The following HERC2 variants were observed in gnomAD, a reference collection of about 807,000 sequenced individuals.
HERC2 encodes the protein HECT and RLD domain containing E3 ubiquitin protein ligase 2.
Under a neutral mutation model 537.7 loss-of-function variants are expected in HERC2, and 102 were observed. The ratio of observed to expected loss-of-function variants is 0.19; its 90% CI spans 0.16 to 0.22. The LOEUF (loss-of-function observed/expected upper bound fraction) is 0.22. Among genes scored for constraint, HERC2 ranks in the 10% least tolerant of loss-of-function variants. The pLI is 1.00. For synonymous variants in HERC2, 2,224 were observed against 2,466.2 expected, an observed-to-expected ratio of 0.90 and a Z score of 2.91; for missense variants, 4,236 against 6,198.2, an observed-to-expected ratio of 0.68 and a Z score of 10.63.
At position 28,114,662 on chromosome 15, in the gene HERC2, G is replaced by C. The variant is rs762537575; in HGVS notation, c.13863C>G (p.His4621Gln). Reference sequence around the variant, plus strand: ...ACTCCGCGCGGTTGTCCAGGGTGATGTGTGTGTGCTTGGAGCTCAACTGAA... The same window carrying C: ...ACTCCGCGCGGTTGTCCAGGGTGATCTGTGTGTGCTTGGAGCTCAACTGAA... ...QDIQLSSKHT[H>Q]ITLDNRAEYV... is the part of the protein sequence containing the mutation. The change falls in exon 90 of 93, where the codon CAC (histidine) becomes CAG (glutamine). Residue 4621 changes from histidine to glutamine, a missense_variant. By Grantham distance (24) the His-to-Gln change is conservative. This residue lies in a region of HERC2 where 313 missense variants were observed against 462.6 expected (regional missense o/e 0.68). Transcript: ENST00000261609. 2.4e-5 allele frequency: 38 copies of C among 1,613,988 alleles called. No homozygotes were observed. Among genetic ancestry groups the C allele is most frequent in the Non-Finnish European group, 2.7e-5 (32 of 1,180,034 alleles).
intron 74 of HERC2, among the ~76,000 whole-genome samples, chr15:28,143,351 G>A (rs1364050579): frequency 1.3e-5 from 2 of 152,144 alleles, no homozygotes; most frequent in South Asian, 2.1e-4. Flanking sequence ...CACAGCTGTC[G>A]AGACAGATTT....
At chr15:28,181,642 T>TAAGTAATA (rs1895828551) in intron 57 of HERC2, among the ~76,000 whole-genome samples, 1 of 152,240 alleles carries the variant, frequency 6.6e-6, no homozygotes, top group Non-Finnish European at 1.5e-5. Context: ...GCTTTGTGGC[T>TAAGTAATA]CCTCAGCCAG....
chr15:28,274,939 A>T lies in HERC2; in HGVS notation c.609T>A (p.Phe203Leu). ...ARVGSRAALS[F>L]AFAFLRRAWR... is the part of the protein sequence containing the mutation. ...AGGCCCTGCGCAGGAAGGCAAAGGC[A>T]AAAGACAGCGCCGCTCGGGATCCCA... Residue 203 changes from phenylalanine (F) to leucine (L), a missense_variant, in exon 6 of 93, where the codon TTT becomes TTA. Around this residue, in one of 27 missense-constraint regions of HERC2, gnomAD observed 491 missense variants for 559.3 expected, o/e 0.88. Transcript: ENST00000261609. 1 of 1,611,422 alleles carries T rather than the reference A, an allele frequency of 6.2e-7. No individual in the cohort carries two copies.
chr15:28,238,902 G>A (rs141878003), intron 23 of HERC2, 130 bp from the exon 24 acceptor site: 18 of 737,358 alleles, frequency 2.4e-5, no homozygotes, highest in Middle Eastern at 7.3e-4. Flanking sequence ...TACATACCTA[G>A]CTCTGAAACT....
In HERC2 at chr15:28,124,637, G is replaced by A. The variant is rs574863246; in HGVS notation, c.12990+369C>T. Reference sequence around the variant, plus strand: ...GGCAGTGGTGCAATCACTGCAGCTTGGACCTTTCAGACTCAAGTGATCCTC... The same window carrying A: ...GGCAGTGGTGCAATCACTGCAGCTTAGACCTTTCAGACTCAAGTGATCCTC... On this transcript the variant is annotated intron_variant, in intron 84 of 92. Transcript: ENST00000261609. 2.0e-5 allele frequency among the ~76,000 whole-genome samples: 3 copies of A among 152,308 alleles called. No individual in the cohort carries two copies. The South Asian group carries it at 6.2e-4, about 32-fold the overall frequency.
At chr15:28,227,352 C>T (rs1244347380) in intron 35 of HERC2, among the ~76,000 whole-genome samples, 1 of 150,112 alleles carries the variant, frequency 6.7e-6, no homozygotes, top group Admixed American at 6.7e-5. Context: ...AAATGGCCAA[C>T]AAGCACAAAC....
intron 20 of HERC2, among the ~76,000 whole-genome samples, chr15:28,254,101 T>C (rs1027468957): frequency 6.6e-6 from 1 of 152,082 alleles, no homozygotes; most frequent in African/African-American, 2.4e-5. Context: ...CTGACCACCA[T>C]GAAGAAACCC....
chr15:28,141,783 G>T lies in HERC2; in HGVS notation c.11764C>A (p.His3922Asn). Reference sequence around the variant, plus strand: ...TCTTGCTCTCTTTTAAAAATGTCATGGCTCTCATGCAGAACATCCATGTTT... The same window carrying T: ...TCTTGCTCTCTTTTAAAAATGTCATTGCTCTCATGCAGAACATCCATGTTT... ...SENMDVLHES[H>N]DIFKREQDEQ... Residue 3922 changes from histidine (H) to asparagine (N), a missense_variant, in exon 77 of 93, where the codon CAT becomes AAT. Physicochemically the swap from His to Asn is moderately conservative, Grantham distance 68. This residue lies in a region of HERC2 where 156 missense variants were observed against 172.3 expected (regional missense o/e 0.91). Coordinates refer to ENST00000261609, the MANE Select transcript of HERC2 (RefSeq NM_004667.6). 6.2e-7 allele frequency: 1 copy of T among 1,614,130 alleles called. No individual in the cohort carries two copies.
Position 28,222,224 on chromosome 15 carries a change from G to A in HERC2, c.5465-9C>T. Reference sequence around the variant, plus strand: ...GTTGTCACAACTGGGGCCTGATGGAGCGTCAAAAACAATAGCTGAGCCAAC... The same window carrying A: ...GTTGTCACAACTGGGGCCTGATGGAACGTCAAAAACAATAGCTGAGCCAAC... On this transcript the variant is annotated splice_polypyrimidine_tract_variant and intron_variant, in intron 35 of 92. Coordinates refer to ENST00000261609, the MANE Select transcript of HERC2 (RefSeq NM_004667.6). The A allele has an allele frequency of 6.3e-7, 1 of 1,589,718 alleles. No individual in the cohort carries two copies.
chr15:28,273,331 A>G (rs1377723379), intron 7 of HERC2, among the ~76,000 whole-genome samples: 1 of 152,256 alleles, frequency 6.6e-6, no homozygotes, highest in African/African-American at 2.4e-5. Flanking sequence ...TCCAGTTTCA[A>G]TGACGTATAA....
At chr15:28,191,351 A>G in intron 53 of HERC2, 107 bp from the exon 54 acceptor site, 1 of 699,484 alleles carries the variant, frequency 1.4e-6, no homozygotes, top group Non-Finnish European at 2.4e-6. Context: ...TTTTTTCAAT[A>G]TAAAATGTAG....
In HERC2 at chr15:28,229,803, T is replaced by C. The variant is rs757073936; in HGVS notation, c.4854A>G (p.Lys1618=). The C allele has an allele frequency of 1.4e-6, 2 of 1,437,546 alleles. No individual in the cohort carries two copies. Among genetic ancestry groups the C allele is most frequent in the South Asian group, 2.3e-5 (2 of 87,520 alleles). The allele number at this position is 1,437,546 out of a possible 1,614,324, so 89.0% of individuals were successfully genotyped here. The change falls in exon 32 of 93, where the codon AAA becomes AAG. Residue 1618 remains lysine, a synonymous_variant. Coordinates refer to ENST00000261609, the MANE Select transcript of HERC2 (RefSeq NM_004667.6). ...GCACATTCTGCTTCAACCACTTGTA[T>C]TTGTGAACACCTGTAACAGTACTCA... ...PLLSTVTGVH[K]YKWLKQNVQG...
chr15:28,121,260 TACC>T (rs1888853883), intron 86 of HERC2, 83 bp downstream of exon 86: 2 of 1,199,708 alleles, frequency 1.7e-6, no homozygotes, highest in South Asian at 2.5e-5. Flanking sequence ...GATGGCAGGC[TACC>T]AGCGCTCTCG....
intron 45 of HERC2, among the ~76,000 whole-genome samples, chr15:28,205,199 C>T (rs117483108): frequency 0.041 from 6,114 of 150,484 alleles, no homozygotes; most frequent in Middle Eastern, 0.13. Context: ...CGGAAGGTCT[C>T]TTTTTGTACA....
In HERC2 at chr15:28,274,334, C is replaced by T. The variant is rs1064796359; in HGVS notation, c.757G>A (p.Val253Met). The change falls in exon 7 of 93, where the codon GTG becomes ATG. Residue 253 changes from valine (V) to methionine (M), a missense_variant. Around this residue, in one of 27 missense-constraint regions of HERC2, gnomAD observed 491 missense variants for 559.3 expected, o/e 0.88. Coordinates refer to ENST00000261609, the MANE Select transcript of HERC2 (RefSeq NM_004667.6). Reference protein sequence around the residue: ...ESTVSSVWLEVVERATRFLRS... With the variant: ...ESTVSSVWLEMVERATRFLRS... Reference sequence around the variant, plus strand: ...AGGAACCTGGTCGCTCTCTCCACCACCTCCAGCCACACAGAGGACACGGTG... The same window carrying T: ...AGGAACCTGGTCGCTCTCTCCACCATCTCCAGCCACACAGAGGACACGGTG... 9.9e-6 allele frequency: 16 copies of T among 1,614,240 alleles called. No individual in the cohort carries two copies. Among genetic ancestry groups the T allele is most frequent in the Non-Finnish European group, 1.4e-5 (16 of 1,180,034 alleles).
intron 2 of HERC2, among the ~76,000 whole-genome samples, chr15:28,304,245 T>G (rs978073822): frequency 6.6e-5 from 10 of 151,494 alleles, no homozygotes; most frequent in Non-Finnish European, 1.3e-4. Context: ...GCAATTTTAC[T>G]GAATTTATCA....
intron 83 of HERC2, among the ~76,000 whole-genome samples, chr15:28,125,462 G>A (rs1030214640): frequency 6.6e-6 from 1 of 152,178 alleles, no homozygotes; most frequent in Non-Finnish European, 1.5e-5. Flanking sequence ...CTTCTAGTGA[G>A]AGACACACAA....
At chr15:28,319,521 G>C (rs1276863299) in intron 2 of HERC2, among the ~76,000 whole-genome samples, 6 of 144,334 alleles carry the variant, frequency 4.2e-5, no homozygotes, top group Non-Finnish European at 7.4e-5. Flanking sequence ...GGAGGCGGAA[G>C]TTGCAGTGAG....
In HERC2 at chr15:28,229,449, T is replaced by C. The variant is rs1185108558; in HGVS notation, c.5120+11A>G. ...TACCTTAATTAAGAAAAAAATATGC[T>C]AACGTTTTACCCTATATCGATTCCC... On this transcript the variant is annotated intron_variant, in intron 33 of 92. Coordinates refer to ENST00000261609, the MANE Select transcript of HERC2 (RefSeq NM_004667.6). 2 of 1,613,730 alleles carry C rather than the reference T, an allele frequency of 1.2e-6. No individual in the cohort carries two copies. Among genetic ancestry groups the C allele is most frequent in the Admixed American group, 1.7e-5 (1 of 60,010 alleles).
Sources: allele counts gnomAD v4.1 joint callset (sites outside exome capture counted in the v4.1 genomes callset), GRCh38; gene constraint gnomAD v4.1.1; regional missense constraint gnomAD v4.1.1; transcripts MANE v1.5; gene names NCBI Gene and HGNC (gene_info 2026-07-23, HGNC 2026-07-21).